The following TTC13 variants were observed in gnomAD, a reference collection of about 807,000 sequenced individuals.
The protein encoded by TTC13 is tetratricopeptide repeat domain 13.
A neutral mutation model predicts 120.0 loss-of-function variants in TTC13; 62 were observed. The observed-to-expected ratio is 0.52, with a 90% CI of 0.42 to 0.64. The LOEUF (loss-of-function observed/expected upper bound fraction) is 0.64. Among genes scored for constraint, TTC13 ranks in the 30% least tolerant of loss-of-function variants. The pLI is 0.00. For missense variants in TTC13, 824 were observed against 1,050.2 expected, an observed-to-expected ratio of 0.78 and a Z score of 2.98; for synonymous variants, 384 against 393.5, an observed-to-expected ratio of 0.98 and a Z score of 0.28.
intron 13 of TTC13, 122 bp downstream of exon 13, chr1:230,925,395 T>C: frequency 8.7e-7 from 1 of 1,143,484 alleles, no homozygotes; most frequent in Non-Finnish European, 1.2e-6. Flanking sequence ...ATTTCTATTC[T>C]GATCACATGG....
At chr1:230,958,176 A>C (rs1443202116) in intron 3 of TTC13, 48 bp downstream of exon 3, 1 of 1,599,576 alleles carries the variant, frequency 6.3e-7, no homozygotes. Flanking sequence ...CATCTAACCA[A>C]AACTTTGAGG....
chr1:230,947,220 A>T (rs181336463), intron 4 of TTC13, among the ~76,000 whole-genome samples: 12 of 152,270 alleles, frequency 7.9e-5, no homozygotes, highest in Admixed American at 7.2e-4. Flanking sequence ...CACTTTAAAC[A>T]TTTAAGTATT....
Position 230,942,427 on chromosome 1 carries a change from CA to C in TTC13, c.672+1378del, listed in dbSNP as rs1674610363. 6.6e-6 allele frequency among the ~76,000 whole-genome samples: 1 copy of C among 152,100 alleles called. No individual in the cohort carries two copies. The highest frequency in any genetic ancestry group is 2.1e-4 in the South Asian group (1 of 4,824). ...ATCATTCATTGAGAAAGATTTTATTCAAAAAGCCAAATCCCCAACAAAACAA... is the reference window on the plus strand; with the variant it reads ...ATCATTCATTGAGAAAGATTTTATTCAAAAGCCAAATCCCCAACAAAACAA... On this transcript the variant is annotated intron_variant, in intron 6 of 22. Coordinates refer to ENST00000366661, the MANE Select transcript of TTC13 (RefSeq NM_024525.5). This position sits in a 1 kb window ranked among gnomAD's most constrained non-coding sequence, Gnocchi z 4.0.
At chr1:230,933,169 C>T (rs981918930) in intron 9 of TTC13, among the ~76,000 whole-genome samples, 23 of 152,122 alleles carry the variant, frequency 1.5e-4, no homozygotes, top group African/African-American at 5.6e-4. Flanking sequence ...CACAGGGTTT[C>T]ACCATGTTGG....
intron 6 of TTC13, among the ~76,000 whole-genome samples, chr1:230,941,599 A>G (rs1674539449): frequency 6.6e-6 from 1 of 152,228 alleles, no homozygotes; most frequent in Admixed American, 6.5e-5. Context: ...CACCATGTCC[A>G]GCCTATTCCA....
chr1:230,919,931 T>TA (rs1279082515), intron 17 of TTC13, among the ~76,000 whole-genome samples: 1 of 152,194 alleles, frequency 6.6e-6, no homozygotes, highest in African/African-American at 2.4e-5. Flanking sequence ...ACCAAGGTCT[T>TA]AGTCAAGGAT....
intron 20 of TTC13, among the ~76,000 whole-genome samples, chr1:230,910,076 A>G (rs1671351353): frequency 6.6e-6 from 1 of 152,166 alleles, no homozygotes; most frequent in African/African-American, 2.4e-5. Flanking sequence ...CCCATGAGAT[A>G]ATGCATCCTA....
At chr1:230,920,344 G>A (rs1045490217) in intron 17 of TTC13, 166 bp downstream of exon 17, 6 of 464,848 alleles carry the variant, frequency 1.3e-5, no homozygotes, top group Non-Finnish European at 2.3e-5. Context: ...TGTTTTTTCT[G>A]TTTGAGTCTG....
At chr1:230,924,489 C>G (rs543555212) in intron 14 of TTC13, among the ~76,000 whole-genome samples, 13 of 152,238 alleles carry the variant, frequency 8.5e-5, no homozygotes, top group African/African-American at 3.1e-4. Flanking sequence ...CGCACCACCA[C>G]GCCCAGCTAA....
intron 19 of TTC13, among the ~76,000 whole-genome samples, chr1:230,912,306 CA>C (rs1032782078): frequency 1.3e-5 from 2 of 152,118 alleles, no homozygotes; most frequent in African/African-American, 4.8e-5. Flanking sequence ...GCAACAACCG[CA>C]ACGAAGGGAA....
intron 6 of TTC13, among the ~76,000 whole-genome samples, chr1:230,941,318 C>T (rs1409315225): frequency 1.3e-5 from 2 of 152,124 alleles, no homozygotes; most frequent in Non-Finnish European, 2.9e-5. Flanking sequence ...GTTTTAGAGA[C>T]AGGGTCTCAC....
intron 8 of TTC13, 73 bp from the exon 9 acceptor site, chr1:230,933,934 G>C: frequency 1.0e-6 from 1 of 978,108 alleles, no homozygotes; most frequent in South Asian, 1.6e-5. Flanking sequence ...ATCATAAAAG[G>C]ATTTAAATAT....
In TTC13 at chr1:230,975,702, T is replaced by A. The variant is rs554496265; in HGVS notation, c.271+2858A>T. On this transcript the variant is annotated intron_variant, in intron 1 of 22. Transcript: ENST00000366661. ...AATAAAATATCAAAAAGGTAAAATG[T>A]AAAAATGTGGAGTAGAAAATATTAA... Among the ~76,000 whole-genome samples the A allele has an allele frequency of 2.7e-4, 41 of 152,166 alleles. No homozygotes were observed. The East Asian group carries it at 2.7e-3, about 10-fold the overall frequency.
intron 12 of TTC13, among the ~76,000 whole-genome samples, chr1:230,926,275 C>A (rs1277313113): frequency 6.6e-6 from 1 of 152,012 alleles, no homozygotes; most frequent in African/African-American, 2.4e-5. Context: ...AGGGAAGAGG[C>A]ACATTGGGAG....
intron 15 of TTC13, among the ~76,000 whole-genome samples, chr1:230,921,715 TG>T (rs1403053217): frequency 6.6e-6 from 1 of 152,212 alleles, no homozygotes; most frequent in Non-Finnish European, 1.5e-5. Flanking sequence ...GGGCCTATTC[TG>T]GCATCAAACT....
intron 9 of TTC13, among the ~76,000 whole-genome samples, chr1:230,932,295 C>T (rs563316551): frequency 1.8e-3 from 245 of 133,134 alleles, no homozygotes; most frequent in African/African-American, 6.1e-3. Flanking sequence ...CTTAAAAATG[C>T]ATTTTTTTTT....
chr1:230,930,454 GCT>G (rs1673435296), intron 11 of TTC13, among the ~76,000 whole-genome samples: 1 of 151,936 alleles, frequency 6.6e-6, no homozygotes, highest in South Asian at 2.1e-4. Context: ...AAGAATGTAG[GCT>G]TTAATTAAAA....
At chr1:230,941,690 C>T (rs547012054) in intron 6 of TTC13, among the ~76,000 whole-genome samples, 1 of 152,300 alleles carries the variant, frequency 6.6e-6, no homozygotes, top group South Asian at 2.1e-4. Flanking sequence ...AAAGAGGATT[C>T]AGGCAGGCCT....
chr1:230,927,137 G>T (rs1673119454), intron 12 of TTC13, among the ~76,000 whole-genome samples: 1 of 152,018 alleles, frequency 6.6e-6, no homozygotes, highest in African/African-American at 2.4e-5. Flanking sequence ...TTCTTCTGTT[G>T]ATGGCATTTG....
Sources: gnomAD v4.1 joint callset for allele counts (sites outside exome capture counted in the v4.1 genomes callset) on GRCh38, gnomAD v4.1.1 for gene constraint, Gnocchi (gnomAD v3.1) non-coding constraint, MANE v1.5 for transcripts, NCBI Gene and HGNC (gene_info 2026-07-23, HGNC 2026-07-21) for gene names.